The following TRIM33 variants were observed in gnomAD, a reference collection of about 807,000 sequenced individuals.
The protein encoded by TRIM33 is tripartite motif containing 33.
In TRIM33, 20 loss-of-function variants were observed where a neutral mutation model predicts 125.4. The observed-to-expected ratio is 0.16, with a 90% CI of 0.11 to 0.23. The LOEUF (loss-of-function observed/expected upper bound fraction) is 0.23, where lower values mean the gene tolerates loss of function less well. TRIM33 is among the 10% of genes least tolerant of loss of function. The probability of loss-of-function intolerance (pLI) is 1.00; values close to 1 mark genes in which losing one functional copy is unlikely to be tolerated. For missense variants in TRIM33, 920 were observed against 1,411.4 expected (o/e 0.65, Z 5.58); for synonymous variants, 564 against 513.9 (o/e 1.10, Z -1.32).
At chr1:114,414,647 G>A (rs1652814302) in intron 11 of TRIM33, among the ~76,000 whole-genome samples, 1 of 152,186 alleles carries the variant, frequency 6.6e-6, no homozygotes, top group Middle Eastern at 3.4e-3. Context: ...TCCCCTTTGA[G>A]TAATGCTATA....
chr1:114,438,067 T>C (rs1648415233), intron 4 of TRIM33, among the ~76,000 whole-genome samples: 1 of 152,156 alleles, frequency 6.6e-6, no homozygotes, highest in African/African-American at 2.4e-5. Context: ...CATACAAATA[T>C]ACATGGATGG....
At chr1:114,459,106 G>C in intron 4 of TRIM33, among the ~76,000 whole-genome samples, 1 of 152,236 alleles carries the variant, frequency 6.6e-6, no homozygotes, top group Non-Finnish European at 1.5e-5. Flanking sequence ...CAGAATCTCT[G>C]AAATAAGTAT....
chr1:114,504,378 G>C (rs1451147024), intron 1 of TRIM33, among the ~76,000 whole-genome samples: 1 of 151,940 alleles, frequency 6.6e-6, no homozygotes, highest in African/African-American at 2.4e-5. Flanking sequence ...ATGTTACCTA[G>C]ACTAGTCCCC....
intron 5 of TRIM33, among the ~76,000 whole-genome samples, chr1:114,433,190 TA>T (rs1648074994): frequency 6.6e-6 from 1 of 152,348 alleles, no homozygotes; most frequent in East Asian, 1.9e-4. Context: ...CCAGAAACTA[TA>T]TCATGTATTC....
At chr1:114,475,919 G>A (rs1236709364) in intron 1 of TRIM33, among the ~76,000 whole-genome samples, 2 of 151,926 alleles carry the variant, frequency 1.3e-5, no homozygotes, top group Non-Finnish European at 2.9e-5. Context: ...AGGATTGCTT[G>A]AGCCCGGGAG....
In TRIM33 at chr1:114,402,751, GAC is replaced by G. The variant is rs1269579410; in HGVS notation, c.2892+7_2892+8del. On this transcript the variant is annotated splice_region_variant and intron_variant, in intron 16 of 19. Coordinates refer to ENST00000358465, the MANE Select transcript of TRIM33 (RefSeq NM_015906.4). ...ATCCCAGTGACAAATCAACTTATTT[GAC>G]ACTTACCCTTTGGTCCACGGGGCTT... The G allele has an allele frequency of 1.9e-6, 3 of 1,609,304 alleles. No individual in the cohort carries two copies. Among genetic ancestry groups the G allele is most frequent in the Non-Finnish European group, 2.5e-6 (3 of 1,178,320 alleles).
chr1:114,463,323 G>GC, intron 3 of TRIM33, 87 bp from the exon 4 acceptor site: 1 of 1,552,516 alleles, frequency 6.4e-7, no homozygotes, highest in African/African-American at 1.4e-5. Flanking sequence ...GCTATCCAAA[G>GC]TTTATAAAGA....
chr1:114,451,812 C>A (rs530479870), intron 4 of TRIM33, among the ~76,000 whole-genome samples: 2 of 152,076 alleles, frequency 1.3e-5, no homozygotes, highest in South Asian at 2.1e-4. Flanking sequence ...GATATACACA[C>A]AAAACATAGC....
intron 3 of TRIM33, 76 bp downstream of exon 3, chr1:114,463,336 A>T: frequency 1.3e-6 from 2 of 1,553,878 alleles, no homozygotes; most frequent in Non-Finnish European, 1.7e-6. Flanking sequence ...TATAAAGAAT[A>T]AGTAGAAAAT....
chr1:114,510,991 G>A lies in TRIM33; in HGVS notation c.86C>T (p.Pro29Leu). The change falls in exon 1 of 20, where the codon CCC becomes CTC. Residue 29 changes from proline to leucine, a missense_variant. Transcript: ENST00000358465. Reference sequence around the variant, plus strand: ...AGGCGGCTCCGCCTCCTGCGCGGCGGGCCCGGCGGCCCCGGCAGTTACCGG... The same window carrying A: ...AGGCGGCTCCGCCTCCTGCGCGGCGAGCCCGGCGGCCCCGGCAGTTACCGG... ...SAPVTAGAAGPAAQEAEPPLT... is the reference protein window; with the variant it reads ...SAPVTAGAAGLAAQEAEPPLT... 5 of 1,333,312 alleles carry A rather than the reference G, an allele frequency of 3.8e-6. No homozygotes were observed. Among genetic ancestry groups the A allele is most frequent in the South Asian group, 1.9e-5 (1 of 52,898 alleles). 82.6% of individuals were successfully genotyped at this position (1,333,312 alleles called of 1,614,324 possible).
chr1:114,440,768 G>A (rs1648605500), intron 4 of TRIM33, among the ~76,000 whole-genome samples: 1 of 152,064 alleles, frequency 6.6e-6, no homozygotes, highest in Non-Finnish European at 1.5e-5. Flanking sequence ...AAAAGGGGGG[G>A]AATACAAACA....
chr1:114,457,933 A>C (rs1400213720), intron 4 of TRIM33, among the ~76,000 whole-genome samples: 1 of 152,168 alleles, frequency 6.6e-6, no homozygotes, highest in African/African-American at 2.4e-5. Context: ...ACAATGAAGA[A>C]AGACACTGGT....
intron 14 of TRIM33, among the ~76,000 whole-genome samples, chr1:114,406,592 G>A (rs753636726): frequency 6.6e-6 from 1 of 152,102 alleles, no homozygotes; most frequent in Non-Finnish European, 1.5e-5. Flanking sequence ...CACAGGTCCA[G>A]GAGAATCCCA....
intron 8 of TRIM33, 43 bp from the exon 9 acceptor site, chr1:114,425,766 A>T: frequency 7.1e-7 from 1 of 1,402,208 alleles, no homozygotes; most frequent in South Asian, 1.3e-5. Flanking sequence ...AATCAACTAA[A>T]TCATCTACTT....
rs116389740 is a variant in TRIM33, at chr1:114,441,757, A to G, written c.924-8024T>C. ...CAAATGGGTAACTTTTATCTGTGAAACTAACGACTCTGAATGTGTTTCTTC... is the reference window on the plus strand; with the variant it reads ...CAAATGGGTAACTTTTATCTGTGAAGCTAACGACTCTGAATGTGTTTCTTC... On this transcript the variant is annotated intron_variant, in intron 4 of 19. Transcript: ENST00000358465. Among the ~76,000 whole-genome samples, 1,076 of 152,264 alleles carry G rather than the reference A, an allele frequency of 7.1e-3. 4 individuals are homozygous for G. The highest frequency in any genetic ancestry group is 0.013 in the Admixed American group (204 of 15,298).
chr1:114,444,956 C>T (rs1215432176), intron 4 of TRIM33, among the ~76,000 whole-genome samples: 1 of 151,742 alleles, frequency 6.6e-6, no homozygotes, highest in Non-Finnish European at 1.5e-5. Flanking sequence ...AACAAACTGA[C>T]AGGAAATCTC....
In TRIM33 at chr1:114,427,278, C is replaced by T. The variant is rs755058963; in HGVS notation, c.1319G>A (p.Arg440His). 8.9e-6 allele frequency: 14 copies of T among 1,574,710 alleles called. No individual in the cohort carries two copies. The highest frequency in any genetic ancestry group is 4.5e-5 in the East Asian group (2 of 44,186). Residue 440 changes from arginine (R) to histidine (H), a missense_variant, in exon 8 of 20, where the codon CGT becomes CAT. Physicochemically the swap from Arg to His is conservative, Grantham distance 29. Coordinates refer to ENST00000358465, the MANE Select transcript of TRIM33 (RefSeq NM_015906.4). Reference protein sequence around the residue: ...YSKRLITFQLRHILKARCDPV... With the variant: ...YSKRLITFQLHHILKARCDPV... The stretch of plus-strand genomic sequence containing the variant: ...ATCACACCGTGCTTTCAAAATATGA[C>T]GCAACTGGAAAGTAATCTTAAAGGG...
At chr1:114,491,358 C>T (rs765963640) in intron 1 of TRIM33, among the ~76,000 whole-genome samples, 1 of 152,134 alleles carries the variant, frequency 6.6e-6, no homozygotes, top group African/African-American at 2.4e-5. Flanking sequence ...TATACAGTTG[C>T]TGCAAACAAT....
chr1:114,430,492 T>C (rs1000520182), intron 6 of TRIM33, among the ~76,000 whole-genome samples: 4 of 152,158 alleles, frequency 2.6e-5, no homozygotes, highest in Non-Finnish European at 4.4e-5. Flanking sequence ...TCTGTCTGCC[T>C]TGGGCTCCCA....
Sources: allele counts gnomAD v4.1 joint callset (sites outside exome capture counted in the v4.1 genomes callset), GRCh38; gene constraint gnomAD v4.1.1; transcripts MANE v1.5; gene names NCBI Gene and HGNC (gene_info 2026-07-23, HGNC 2026-07-21).